Variants in PPM1D observed in about 807,000 individuals in gnomAD.
PPM1D encodes the protein protein phosphatase, Mg2+/Mn2+ dependent 1D.
In PPM1D, 52 loss-of-function variants were observed where a neutral mutation model predicts 58.3. That is an observed-to-expected ratio of 0.89 (90% CI 0.71 to 1.12). The LOEUF (loss-of-function observed/expected upper bound fraction) is 1.12. PPM1D is among the 50% of genes most tolerant of loss of function. The pLI is 0.00. For missense variants in PPM1D, 564 were observed against 777.2 expected, an observed-to-expected ratio of 0.73 and a Z score of 3.26; for synonymous variants, 278 against 285.1, an observed-to-expected ratio of 0.98 and a Z score of 0.25.
chr17:60,617,969 G>A (rs902974159), intron 1 of PPM1D, among the ~76,000 whole-genome samples: 1 of 152,208 alleles, frequency 6.6e-6, no homozygotes, highest in East Asian at 1.9e-4. Context: ...GTTCTGTAAT[G>A]GTTTACTTGT....
intron 4 of PPM1D, among the ~76,000 whole-genome samples, chr17:60,650,847 A>G (rs1239534034): frequency 6.6e-6 from 1 of 151,906 alleles, no homozygotes; most frequent in Non-Finnish European, 1.5e-5. Flanking sequence ...GCTACTCAGG[A>G]GGCTGTGGGA....
In PPM1D at chr17:60,600,201, G is replaced by A; in HGVS notation, c.-214G>A. 1.1e-6 allele frequency: 1 copy of A among 908,474 alleles called. No individual in the cohort carries two copies. The highest frequency in any genetic ancestry group is 1.8e-5 in the South Asian group (1 of 55,808). 56.3% of individuals were successfully genotyped at this position (908,474 alleles called of 1,614,324 possible). A position where few individuals can be genotyped will look rare whatever the true frequency, so the allele number is the denominator to read the frequency against. ...GCGGTGGGGGGAAGCGCAGTGCGCA[G>A]GCGCAACTGCCTGGCTCTGCTCGCT... On this transcript the variant is annotated 5_prime_UTR_variant, in exon 1 of 6. Coordinates refer to ENST00000305921, the MANE Select transcript of PPM1D (RefSeq NM_003620.4).
Position 60,623,677 on chromosome 17 carries a change from C to T in PPM1D, c.629C>T (p.Ala210Val), listed in dbSNP as rs2143655326. The change falls in exon 2 of 6, where the codon GCT becomes GTT. Residue 210 changes from alanine (A) to valine (V), a missense_variant. Ala to Val is a moderately conservative substitution (Grantham distance 64, BLOSUM62 0). Coordinates refer to ENST00000305921, the MANE Select transcript of PPM1D (RefSeq NM_003620.4). ...QDDPKDDFVR[A>V]VEVTQDHKPE... ...GACCCGAAGGATGACTTTGTCAGAG[C>T]TGTGGAGGTGACACAGGACCATAAG... is the stretch of plus-strand genomic sequence containing the variant. 6.2e-7 allele frequency: 1 copy of T among 1,614,148 alleles called. No homozygotes were observed. Among genetic ancestry groups the T allele is most frequent in the Non-Finnish European group, 8.5e-7 (1 of 1,180,032 alleles).
chr17:60,655,212 G>A (rs1040045028), intron 4 of PPM1D, among the ~76,000 whole-genome samples: 2 of 151,908 alleles, frequency 1.3e-5, no homozygotes, highest in Non-Finnish European at 2.9e-5. Context: ...CAATTTTTAT[G>A]TTGAGTCATT....
intron 1 of PPM1D, among the ~76,000 whole-genome samples, chr17:60,603,787 T>G (rs1158432133): frequency 1.3e-5 from 2 of 151,916 alleles, no homozygotes; most frequent in Non-Finnish European, 2.9e-5. Context: ...ACAGCTGAAT[T>G]ATCATATCCA....
Position 60,662,869 on chromosome 17 carries a change from A to G in PPM1D, c.1261-126A>G, listed in dbSNP as rs964279876. The G allele has an allele frequency of 4.9e-6, 4 of 824,394 alleles. No individual in the cohort carries two copies. The African/African-American group carries it at 6.8e-5, about 14-fold the overall frequency. 51.1% of individuals were successfully genotyped at this position (824,394 alleles called of 1,614,324 possible). ...AGTTCAGTAAATAGAAGGTGAACGA[A>G]TTAGTGAATGCATACCCCGTTTTTG... On this transcript the variant is annotated intron_variant, in intron 5 of 5. Transcript: ENST00000305921.
In PPM1D at chr17:60,661,215, A is replaced by G. The variant is rs767146804; in HGVS notation, c.1261-1780A>G. Among the ~76,000 whole-genome samples the G allele has an allele frequency of 9.4e-4, 125 of 133,402 alleles. 1 individual carries two copies. Among genetic ancestry groups the G allele is most frequent in the Non-Finnish European group, 1.3e-3 (86 of 65,438 alleles). 87.5% of individuals were successfully genotyped at this position (133,402 alleles called of 152,430 possible). Reference sequence around the variant, plus strand: ...GCCTGGGCAACAAGAGCGAAACTCCATCTCAAAAAAAAAAAAAAAAAAAAA... The same window carrying G: ...GCCTGGGCAACAAGAGCGAAACTCCGTCTCAAAAAAAAAAAAAAAAAAAAA... On this transcript the variant is annotated intron_variant, in intron 5 of 5. Coordinates refer to ENST00000305921, the MANE Select transcript of PPM1D (RefSeq NM_003620.4).
chr17:60,632,545 C>T (rs1360940622), intron 2 of PPM1D, among the ~76,000 whole-genome samples: 4 of 151,972 alleles, frequency 2.6e-5, no homozygotes, highest in South Asian at 2.1e-4. Flanking sequence ...CCAGCCTGGG[C>T]GACAGAGACC....
chr17:60,629,567 A>G (rs889292080), intron 2 of PPM1D, among the ~76,000 whole-genome samples: 2 of 152,342 alleles, frequency 1.3e-5, no homozygotes, highest in South Asian at 4.1e-4. Flanking sequence ...GCTGGTTGTC[A>G]TGCTAAGTGG....
intron 3 of PPM1D, among the ~76,000 whole-genome samples, chr17:60,646,669 C>T (rs145752352): frequency 6.6e-6 from 1 of 151,942 alleles, no homozygotes; most frequent in Admixed American, 6.6e-5. Context: ...TTTTTATTTT[C>T]TTCTGTTTTA....
chr17:60,644,216 A>G (rs1316187077), intron 3 of PPM1D, among the ~76,000 whole-genome samples: 1 of 151,974 alleles, frequency 6.6e-6, no homozygotes, highest in Non-Finnish European at 1.5e-5. Flanking sequence ...TGTCAATACC[A>G]TGAATGATAA....
chr17:60,648,462 G>A (rs1344435697), intron 4 of PPM1D, among the ~76,000 whole-genome samples: 2 of 145,618 alleles, frequency 1.4e-5, no homozygotes, highest in African/African-American at 2.6e-5. Flanking sequence ...TCGGCTCACT[G>A]CAAGCTCCGC....
chr17:60,651,270 G>A (rs1221338544), intron 4 of PPM1D, among the ~76,000 whole-genome samples: 1 of 152,160 alleles, frequency 6.6e-6, no homozygotes, highest in Non-Finnish European at 1.5e-5. Flanking sequence ...CGTAGGGAAT[G>A]TGATAGATTC....
intron 1 of PPM1D, among the ~76,000 whole-genome samples, chr17:60,602,773 A>G (rs908526762): frequency 9.3e-6 from 1 of 107,328 alleles, no homozygotes; most frequent in Non-Finnish European, 2.0e-5. Flanking sequence ...TTCGTCCTCA[A>G]AGCTTGAAAA....
At chr17:60,646,701 G>T (rs1195068863) in intron 3 of PPM1D, among the ~76,000 whole-genome samples, 4 of 151,910 alleles carry the variant, frequency 2.6e-5, no homozygotes, top group Non-Finnish European at 5.9e-5. Context: ...CTTTTTTATG[G>T]CCTGGGTCGA....
rs955525219 is a variant in PPM1D at position 60,623,609 on chromosome 17, A to C, written c.561A>C (p.Val187=). The change falls in exon 2 of 6, where the codon GTA becomes GTC. Residue 187 remains valine, a synonymous_variant. Transcript: ENST00000305921. ...VVIIRGMKMY[V]AHVGDSGVVL... ...TCATTCGGGGCATGAAGATGTATGT[A>C]GCTCACGTAGGTGACTCAGGGGTGG... 6.2e-7 allele frequency: 1 copy of C among 1,614,100 alleles called. No individual in the cohort carries two copies. Among genetic ancestry groups the C allele is most frequent in the Non-Finnish European group, 8.5e-7 (1 of 1,180,050 alleles).
At chr17:60,628,521 C>G (rs902247747) in intron 2 of PPM1D, among the ~76,000 whole-genome samples, 1 of 152,180 alleles carries the variant, frequency 6.6e-6, no homozygotes, top group Non-Finnish European at 1.5e-5. Flanking sequence ...ATCCCTCCCC[C>G]ACTTACTCCT....
chr17:60,663,681 C>G lies in PPM1D; in HGVS notation c.*129C>G. 9.7e-7 allele frequency: 1 copy of G among 1,032,450 alleles called. No individual in the cohort carries two copies. The highest frequency in any genetic ancestry group is 1.4e-6 in the Non-Finnish European group (1 of 732,216). The allele number at this position is 1,032,450 out of a possible 1,614,324, so 64.0% of individuals were successfully genotyped here. A position where few individuals can be genotyped will look rare whatever the true frequency, so the allele number is the denominator to read the frequency against. ...ATATACAGTTTGACTTTTTGGAATTCAGCAGTTTTATCCTGGCCTTGTACT... is the reference window on the plus strand; with the variant it reads ...ATATACAGTTTGACTTTTTGGAATTGAGCAGTTTTATCCTGGCCTTGTACT... On this transcript the variant is annotated 3_prime_UTR_variant, in exon 6 of 6. Coordinates refer to ENST00000305921, the MANE Select transcript of PPM1D (RefSeq NM_003620.4).
chr17:60,613,353 T>A (rs2030500078), intron 1 of PPM1D, among the ~76,000 whole-genome samples: 2 of 152,270 alleles, frequency 1.3e-5, no homozygotes, highest in South Asian at 4.1e-4. Flanking sequence ...TACTTTGGAA[T>A]TGGAATTCTG....
Sources: allele counts gnomAD v4.1 joint callset (sites outside exome capture counted in the v4.1 genomes callset), GRCh38; gene constraint gnomAD v4.1.1; transcripts MANE v1.5; gene names NCBI Gene and HGNC (gene_info 2026-07-23, HGNC 2026-07-21).